Variants in GRIK1 observed in about 807,000 individuals in gnomAD.
GRIK1 encodes the protein glutamate receptor ionotropic, kainate 1.
A neutral mutation model predicts 105.7 loss-of-function variants in GRIK1; 69 were observed. That is an observed-to-expected ratio of 0.65 (90% CI 0.54 to 0.80). GRIK1 has a LOEUF of 0.80. Ranked by LOEUF, GRIK1 falls within the 30% of genes least tolerant of loss-of-function variation. The probability of loss-of-function intolerance (pLI) is 0.00; values close to 1 mark genes in which losing one functional copy is unlikely to be tolerated. For missense variants in GRIK1, 1,109 were observed against 1,167.3 expected (o/e 0.95, Z 0.73); for synonymous variants, 438 against 431.3 (o/e 1.02, Z -0.19).
At chr21:29,833,404 A>G (rs779423875) in intron 1 of GRIK1, among the ~76,000 whole-genome samples, 3 of 152,090 alleles carry the variant, frequency 2.0e-5, no homozygotes, top group Non-Finnish European at 4.4e-5. Context: ...CAGTTATCTC[A>G]TTGCTGTAAA....
chr21:29,847,004 C>T (rs924995268), intron 1 of GRIK1, among the ~76,000 whole-genome samples: 2 of 152,106 alleles, frequency 1.3e-5, no homozygotes, highest in African/African-American at 2.4e-5. Context: ...TGAACTTGAC[C>T]TTGTTTAATC....
intron 1 of GRIK1, among the ~76,000 whole-genome samples, chr21:29,751,049 G>A (rs1030511754): frequency 5.3e-5 from 8 of 152,042 alleles, no homozygotes; most frequent in African/African-American, 9.7e-5. Flanking sequence ...GTGCTCAGTG[G>A]GGGACCTTTT....
chr21:29,592,929 C>T (rs1257677760), intron 9 of GRIK1, among the ~76,000 whole-genome samples: 1 of 152,076 alleles, frequency 6.6e-6, no homozygotes, highest in Non-Finnish European at 1.5e-5. Context: ...ATGCTTGGTC[C>T]CTAAATATGT....
At chr21:29,696,236 T>G (rs976565895) in intron 1 of GRIK1, among the ~76,000 whole-genome samples, 5 of 152,220 alleles carry the variant, frequency 3.3e-5, no homozygotes, top group Non-Finnish European at 7.3e-5. Flanking sequence ...CCCTGGTTTC[T>G]GAGAAATCAT....
intron 1 of GRIK1, among the ~76,000 whole-genome samples, chr21:29,783,009 C>G (rs527396597): frequency 6.6e-6 from 1 of 152,260 alleles, no homozygotes; most frequent in South Asian, 2.1e-4. Flanking sequence ...GTGTCATTTC[C>G]CTACAAAAAG....
At chr21:29,893,646 C>A (rs1048240203) in intron 1 of GRIK1, among the ~76,000 whole-genome samples, 1 of 152,204 alleles carries the variant, frequency 6.6e-6, no homozygotes, top group African/African-American at 2.4e-5. Flanking sequence ...TCATTACTCT[C>A]ATTGCTTTTG....
intron 1 of GRIK1, among the ~76,000 whole-genome samples, chr21:29,862,377 A>C (rs1351803786): frequency 6.6e-6 from 1 of 152,192 alleles, no homozygotes; most frequent in Non-Finnish European, 1.5e-5. Context: ...TTTTATAATC[A>C]AATATGTTAT....
At chr21:29,555,521 G>A (rs1256551979) in intron 15 of GRIK1, among the ~76,000 whole-genome samples, 1 of 152,110 alleles carries the variant, frequency 6.6e-6, no homozygotes, top group Admixed American at 6.6e-5. Context: ...CTTTGGCCCC[G>A]ATTGTTTGCT....
At chr21:29,927,405 C>T (rs2071408065) in intron 1 of GRIK1, among the ~76,000 whole-genome samples, 1 of 150,006 alleles carries the variant, frequency 6.7e-6, no homozygotes, top group Non-Finnish European at 1.5e-5. Context: ...TTTATGTATA[C>T]TATGTAGTAT....
intron 7 of GRIK1, among the ~76,000 whole-genome samples, chr21:29,632,130 A>G (rs1178240053): frequency 6.6e-6 from 1 of 152,126 alleles, no homozygotes; most frequent in East Asian, 1.9e-4. Flanking sequence ...TCTTTCAGAG[A>G]TTTATTCAAG....
intron 1 of GRIK1, among the ~76,000 whole-genome samples, chr21:29,844,936 G>C (rs1002960258): frequency 2.0e-5 from 3 of 152,134 alleles, no homozygotes; most frequent in Non-Finnish European, 4.4e-5. Context: ...ATTCAGGAGA[G>C]TATAACATTC....
intron 1 of GRIK1, among the ~76,000 whole-genome samples, chr21:29,925,814 G>A (rs1206463799): frequency 6.6e-6 from 1 of 152,146 alleles, no homozygotes; most frequent in African/African-American, 2.4e-5. Flanking sequence ...TTTTTATGAC[G>A]TTCTCAAAAA....
intron 1 of GRIK1, among the ~76,000 whole-genome samples, chr21:29,741,608 C>T (rs1177431775): frequency 6.6e-6 from 1 of 152,130 alleles, no homozygotes; most frequent in Non-Finnish European, 1.5e-5. Flanking sequence ...ATTTCAACAG[C>T]CTACATTCCT....
At chr21:29,682,153 G>T (rs1428498530) in intron 3 of GRIK1, among the ~76,000 whole-genome samples, 1 of 152,190 alleles carries the variant, frequency 6.6e-6, no homozygotes, top group Non-Finnish European at 1.5e-5. Flanking sequence ...TGATGCTAAA[G>T]TTGCTTCCCT....
intron 1 of GRIK1, among the ~76,000 whole-genome samples, chr21:29,840,658 T>C (rs1213404918): frequency 1.3e-5 from 2 of 152,198 alleles, no homozygotes; most frequent in Non-Finnish European, 2.9e-5. Flanking sequence ...GACAATGGTT[T>C]CCTGCAAAAT....
chr21:29,866,766 G>A (rs1433608477), intron 1 of GRIK1, among the ~76,000 whole-genome samples: 1 of 152,198 alleles, frequency 6.6e-6, no homozygotes, highest in Non-Finnish European at 1.5e-5. Flanking sequence ...GTTTTGAAGT[G>A]TTATTCTTGC....
At chr21:29,713,810 A>C (rs1287450421) in intron 1 of GRIK1, among the ~76,000 whole-genome samples, 1 of 152,184 alleles carries the variant, frequency 6.6e-6, no homozygotes, top group Non-Finnish European at 1.5e-5. Context: ...CTGGAAATAC[A>C]GCTGAACTTT....
intron 1 of GRIK1, among the ~76,000 whole-genome samples, chr21:29,824,872 G>A (rs914100551): frequency 6.6e-5 from 10 of 151,930 alleles, no homozygotes; most frequent in Admixed American, 6.6e-5. Flanking sequence ...AGATACAAAG[G>A]GGCAAGGTCA....
intron 1 of GRIK1, among the ~76,000 whole-genome samples, chr21:29,878,391 T>C (rs998270897): frequency 1.3e-5 from 2 of 152,094 alleles, no homozygotes; most frequent in African/African-American, 4.8e-5. Flanking sequence ...GCAATGTGAA[T>C]GGTGCTATGA....
Sources: gnomAD v4.1 joint callset for allele counts (sites outside exome capture counted in the v4.1 genomes callset) on GRCh38, gnomAD v4.1.1 for gene constraint, MANE v1.5 for transcripts, NCBI Gene and HGNC (gene_info 2026-07-23, HGNC 2026-07-21) for gene names.